Variants in RANBP2 observed in about 807,000 individuals in gnomAD.
The protein encoded by RANBP2 is E3 SUMO-protein ligase RanBP2.
Under a neutral mutation model 303.6 loss-of-function variants are expected in RANBP2, and 57 were observed. The observed-to-expected ratio is 0.19, with a 90% confidence interval of 0.15 to 0.23. RANBP2 has a LOEUF of 0.23. Among genes scored for constraint, RANBP2 ranks in the 10% least tolerant of loss-of-function variants. RANBP2 has a pLI of 1.00. For missense variants in RANBP2, 3,138 were observed against 3,780.8 expected, an observed-to-expected ratio of 0.83 and a Z score of 4.46; for synonymous variants, 1,167 against 1,301.5, an observed-to-expected ratio of 0.90 and a Z score of 2.23.
chr2:109,175,755 T>C, the RANBP2 span, among the ~76,000 whole-genome samples: 1 of 152,222 alleles, frequency 6.6e-6, no homozygotes, highest in Non-Finnish European at 1.5e-5. Flanking sequence ...AACAGTGTAA[T>C]TGTAATCTAT....
the RANBP2 span, among the ~76,000 whole-genome samples, chr2:108,823,640 C>G: frequency 6.6e-6 from 1 of 152,170 alleles, no homozygotes; most frequent in South Asian, 2.1e-4. Context: ...ATTTGGGTAT[C>G]TAAACATAGA....
the RANBP2 span, among the ~76,000 whole-genome samples, chr2:109,038,786 G>T: frequency 6.6e-6 from 1 of 152,188 alleles, no homozygotes; most frequent in South Asian, 2.1e-4. Context: ...TAACTTTCAT[G>T]TTAACTAGCA....
the RANBP2 span, chr2:109,616,263 T>G: frequency 6.1e-6 from 5 of 815,978 alleles, no homozygotes; most frequent in Non-Finnish European, 8.5e-6. Context: ...TCATCATACC[T>G]TGACCTGTAC....
the RANBP2 span, among the ~76,000 whole-genome samples, chr2:109,714,556 G>A: frequency 4.6e-5 from 7 of 152,006 alleles, no homozygotes; most frequent in Middle Eastern, 3.4e-3. Flanking sequence ...TACCTTGGCC[G>A]CCTAAAGTGC....
the RANBP2 span, chr2:108,885,395 A>C: frequency 7.2e-5 from 11 of 152,180 alleles, no homozygotes; most frequent in Admixed American, 2.6e-4. Context: ...AATGACTTTA[A>C]CTTCTTTGAT....
the RANBP2 span, among the ~76,000 whole-genome samples, chr2:109,679,637 C>G: frequency 6.6e-6 from 1 of 152,182 alleles, no homozygotes; most frequent in Non-Finnish European, 1.5e-5. Flanking sequence ...GGCTTCAAGA[C>G]TCCTTAGAGT....
chr2:109,023,930 A>ATTTATTTT, the RANBP2 span, among the ~76,000 whole-genome samples: 3 of 151,976 alleles, frequency 2.0e-5, no homozygotes, highest in Admixed American at 2.0e-4. Flanking sequence ...TTATTTATTT[A>ATTTATTTT]TTTATTTATT....
At chr2:109,204,487 ATC>A in the RANBP2 span, among the ~76,000 whole-genome samples, 3 of 152,064 alleles carry the variant, frequency 2.0e-5, no homozygotes, top group African/African-American at 7.2e-5. Context: ...TGCCCCTCCA[ATC>A]TCCCTTATTC....
chr2:109,212,379 G>A, the RANBP2 span, among the ~76,000 whole-genome samples: 1 of 152,336 alleles, frequency 6.6e-6, no homozygotes, highest in East Asian at 1.9e-4. Context: ...CTGGTTATAC[G>A]TGACTATAAA....
At chr2:109,265,863 G>A in the RANBP2 span, among the ~76,000 whole-genome samples, 3 of 152,368 alleles carry the variant, frequency 2.0e-5, no homozygotes, top group East Asian at 1.9e-4. Context: ...ACACCACTGA[G>A]CTGGGGCATT....
At chr2:108,910,197 G>A in the RANBP2 span, among the ~76,000 whole-genome samples, 1 of 152,232 alleles carries the variant, frequency 6.6e-6, no homozygotes, top group South Asian at 2.1e-4. Flanking sequence ...GAATTCGGAT[G>A]TTAAGGAGGA....
chr2:109,129,552 AGCGT>A, the RANBP2 span: 1 of 1,495,482 alleles, frequency 6.7e-7, no homozygotes, highest in Non-Finnish European at 8.9e-7. Context: ...TGCTGCTCGG[AGCGT>A]CCTGGCTGTG....
At chr2:109,176,252 G>A in the RANBP2 span, among the ~76,000 whole-genome samples, 1 of 152,194 alleles carries the variant, frequency 6.6e-6, no homozygotes, top group South Asian at 2.1e-4. Context: ...CAATTGTAGA[G>A]TTTAATAAAA....
the RANBP2 span, among the ~76,000 whole-genome samples, chr2:109,120,965 G>C: frequency 6.6e-6 from 1 of 152,156 alleles, no homozygotes. Context: ...GTGAAGTTCT[G>C]GCTGGGCGCG....
At chr2:108,838,679 T>G in the RANBP2 span, among the ~76,000 whole-genome samples, 7 of 152,172 alleles carry the variant, frequency 4.6e-5, no homozygotes, top group Non-Finnish European at 8.8e-5. Context: ...ATGCATGCAA[T>G]GTAGACATAT....
At chr2:108,907,440 G>A in the RANBP2 span, among the ~76,000 whole-genome samples, 3 of 152,112 alleles carry the variant, frequency 2.0e-5, no homozygotes, top group Non-Finnish European at 2.9e-5. Flanking sequence ...GAACTCAGGA[G>A]TTTGAGAGCA....
the RANBP2 span, among the ~76,000 whole-genome samples, chr2:108,924,551 T>C: frequency 6.6e-6 from 1 of 152,200 alleles, no homozygotes; most frequent in African/African-American, 2.4e-5. Context: ...TTCTAATCTC[T>C]TTTTTATTAG....
At chr2:109,166,748 G>C in the RANBP2 span, among the ~76,000 whole-genome samples, 4 of 152,208 alleles carry the variant, frequency 2.6e-5, no homozygotes. Flanking sequence ...ATTGGTGATT[G>C]CCATAGGTTC....
chr2:108,732,888 A>G (rs547291912), intron 4 of RANBP2, among the ~76,000 whole-genome samples: 4 of 152,242 alleles, frequency 2.6e-5, no homozygotes, highest in East Asian at 1.9e-4. Flanking sequence ...CACTGGCGCA[A>G]TCTTGGCTCA....
Sources: allele counts gnomAD v4.1 joint callset (sites outside exome capture counted in the v4.1 genomes callset), GRCh38; gene constraint gnomAD v4.1.1; transcripts MANE v1.5; gene names NCBI Gene and HGNC (gene_info 2026-07-23, HGNC 2026-07-21).